The following MYO15A variants were observed in gnomAD, a reference collection of about 807,000 sequenced individuals.
MYO15A encodes the protein myosin XVA.
Under a neutral mutation model 394.6 loss-of-function variants are expected in MYO15A, and 308 were observed. The observed-to-expected ratio is 0.78, with a 90% CI of 0.71 to 0.86. MYO15A has a LOEUF of 0.86. Ranked by LOEUF, MYO15A falls within the 40% of genes least tolerant of loss-of-function variation. The pLI, the probability that MYO15A is intolerant of heterozygous loss-of-function variation, is 0.00. For synonymous variants in MYO15A, 1,957 were observed against 2,003.8 expected (o/e 0.98, Z 0.62); for missense variants, 4,606 against 4,799.1 (o/e 0.96, Z 1.19).
chr17:18,144,678 C>A, intron 29 of MYO15A, 86 bp downstream of exon 29: 1 of 1,329,258 alleles, frequency 7.5e-7, no homozygotes, highest in African/African-American at 1.4e-5. Flanking sequence ...TCCCAGCCCT[C>A]CCCAAGCCCA....
At chr17:18,140,695 C>T (rs545547272) in intron 20 of MYO15A, 30 bp downstream of exon 20, 1 of 1,614,032 alleles carries the variant, frequency 6.2e-7, no homozygotes, top group Non-Finnish European at 8.5e-7. Context: ...GGCGGAGCAC[C>T]CAGCCTCATC....
chr17:18,155,459 G>C, intron 47 of MYO15A, 27 bp downstream of exon 47: 1 of 1,588,020 alleles, frequency 6.3e-7, no homozygotes, highest in Non-Finnish European at 8.6e-7. Context: ...AAGTGGGGCT[G>C]GCTGGAGACT....
chr17:18,174,567 G>A (rs542651284), intron 65 of MYO15A, among the ~76,000 whole-genome samples: 7 of 152,314 alleles, frequency 4.6e-5, no homozygotes, highest in African/African-American at 1.4e-4. Context: ...CTGTGATGGT[G>A]CCAATGCACT....
chr17:18,169,374 A>G (rs1361637506), intron 62 of MYO15A: 2 of 151,674 alleles, frequency 1.3e-5, no homozygotes, highest in Non-Finnish European at 2.9e-5. Context: ...TGAAACTGGC[A>G]GGTGGAGGGA....
chr17:18,159,130 G>A, intron 53 of MYO15A, 133 bp downstream of exon 53: 1 of 1,355,430 alleles, frequency 7.4e-7, no homozygotes, highest in Non-Finnish European at 1.0e-6. Context: ...CCCTCCCAAG[G>A]ACAGCCTCTG....
At chr17:18,112,427 G>T (rs933821490) in intron 1 of MYO15A, among the ~76,000 whole-genome samples, 2 of 151,872 alleles carry the variant, frequency 1.3e-5, no homozygotes, top group African/African-American at 4.8e-5. Context: ...ACAGGGTCTC[G>T]CACCGTCACA....
rs371730430 is a variant in MYO15A at position 18,153,888 on chromosome 17, C to A, written c.8080C>A (p.Arg2694Ser). ...GGACGCCCCCTGGAAGATCTTCCTG[C>A]GCAAAGAGGTGCCGAGCACAGCCGT... Reference protein sequence around the residue: ...YQDAPWKIFLRKEVFYPKDSY... With the variant: ...YQDAPWKIFLSKEVFYPKDSY... Residue 2694 changes from arginine (R) to serine (S), a missense_variant, in exon 43 of 66, where the codon CGC becomes AGC. Physicochemically the swap from Arg to Ser is moderately radical, Grantham distance 110 (BLOSUM62 -1). Around this residue, in one of 2 missense-constraint regions of MYO15A, gnomAD observed 2,776 missense variants for 3,109.3 expected, o/e 0.89. Transcript: ENST00000647165. This position sits in a 1 kb window ranked among gnomAD's most constrained non-coding sequence, Gnocchi z 4.1. 14 of 1,613,368 alleles carry A rather than the reference C, an allele frequency of 8.7e-6. No homozygotes were observed. The African/African-American group carries it at 1.6e-4, about 18-fold the overall frequency.
At chr17:18,151,595 C>T (rs2142371007) in intron 40 of MYO15A, 68 bp downstream of exon 40, 1 of 1,603,214 alleles carries the variant, frequency 6.2e-7, no homozygotes, top group Non-Finnish European at 8.5e-7. Flanking sequence ...CATGGCCCAC[C>T]AGCTTACTGG....
chr17:18,168,946 A>T (rs1003551319), intron 62 of MYO15A, among the ~76,000 whole-genome samples: 1 of 149,954 alleles, frequency 6.7e-6, no homozygotes, highest in South Asian at 2.1e-4. Context: ...TACTAAAAAA[A>T]TTTAAAAAAA....
In MYO15A at chr17:18,166,481, A is replaced by G. The variant is rs776198954; in HGVS notation, c.9908A>G (p.Lys3303Arg). The G allele has an allele frequency of 1.1e-5, 17 of 1,613,900 alleles. No individual in the cohort carries two copies. The highest frequency in any genetic ancestry group is 1.3e-5 in the Non-Finnish European group (15 of 1,180,054). ...FRRVLWDQPL[K>R]FENELYVTMH... ...CGTGTGCTCTGGGATCAGCCACTCAAGTTCGAGAATGAGCTATATGTGACC... is the reference window on the plus strand; with the variant it reads ...CGTGTGCTCTGGGATCAGCCACTCAGGTTCGAGAATGAGCTATATGTGACC... The change falls in exon 61 of 66, where the codon AAG (lysine) becomes AGG (arginine). Residue 3303 changes from lysine (K) to arginine (R), a missense_variant. Coordinates refer to ENST00000647165, the MANE Select transcript of MYO15A (RefSeq NM_016239.4).
chr17:18,144,820 T>A (rs1020615727), intron 29 of MYO15A, among the ~76,000 whole-genome samples: 3 of 115,096 alleles, frequency 2.6e-5, no homozygotes, highest in African/African-American at 1.0e-4. Context: ...AAAAAAAAAA[T>A]TCTGCCTTGG....
intron 56 of MYO15A, 77 bp downstream of exon 56, chr17:18,160,094 T>G: frequency 2.2e-6 from 3 of 1,385,888 alleles, no homozygotes; most frequent in South Asian, 1.2e-5. Flanking sequence ...GCCTCCCACC[T>G]CCTCAGGCCT....
At position 18,148,249 on chromosome 17, in the gene MYO15A, G is replaced by A; in HGVS notation, c.6691+39G>A. On this transcript the variant is annotated intron_variant, in intron 31 of 65. Coordinates refer to ENST00000647165, the MANE Select transcript of MYO15A (RefSeq NM_016239.4). This position sits in a 1 kb window ranked among gnomAD's most constrained non-coding sequence, Gnocchi z 4.8. The stretch of plus-strand genomic sequence containing the variant: ...CCCCACCTCAGTGAGGGCAGTGGGA[G>A]TCAGCAGGGCCCAGTGAGCCCCGGG... 1 of 1,611,416 alleles carries A rather than the reference G, an allele frequency of 6.2e-7. No homozygotes were observed. The highest frequency in any genetic ancestry group is 8.5e-7 in the Non-Finnish European group (1 of 1,179,360).
intron 40 of MYO15A, 131 bp downstream of exon 40, chr17:18,151,658 G>A: frequency 9.6e-6 from 12 of 1,254,438 alleles, no homozygotes; most frequent in Non-Finnish European, 1.4e-5. Context: ...TTATACTGAT[G>A]AGTCCAGATG....
rs1021669937 is a variant in MYO15A, at chr17:18,126,884, T to C, written c.3941+19T>C. On this transcript the variant is annotated intron_variant, in intron 6 of 65. Transcript: ENST00000647165. The stretch of plus-strand genomic sequence containing the variant: ...TCATTAGGTGAGTGGGCTGCCTTTA[T>C]GTGGGGGATAAATGGGGGACCTTAG... 3 of 1,613,772 alleles carry C rather than the reference T, an allele frequency of 1.9e-6. No homozygotes were observed. The highest frequency in any genetic ancestry group is 2.2e-5 in the East Asian group (1 of 44,862).
At position 18,138,886 on chromosome 17, in the gene MYO15A, C is replaced by A. The variant is rs775979173; in HGVS notation, c.5083C>A (p.Pro1695Thr). Reference protein sequence around the residue: ...ANPLYSKPKMPLPEFTIKHYA... With the variant: ...ANPLYSKPKMTLPEFTIKHYA... ...CCCGCTCTATTCCAAACCCAAGATG[C>A]CGCTGCCTGAGTTCACCATCAAGCA... Residue 1695 changes from proline (P) to threonine (T), a missense_variant, in exon 18 of 66, where the codon CCG becomes ACG. Pro to Thr is a conservative substitution (Grantham distance 38). This residue lies in a region of MYO15A where 2,776 missense variants were observed against 3,109.3 expected (regional missense o/e 0.89). Coordinates refer to ENST00000647165, the MANE Select transcript of MYO15A (RefSeq NM_016239.4). 11 of 1,613,250 alleles carry A rather than the reference C, an allele frequency of 6.8e-6. No individual in the cohort carries two copies. The Middle Eastern group carries it at 5.0e-4, about 73-fold the overall frequency.
rs2142258969 is a variant in MYO15A at position 18,121,779 on chromosome 17, C to T, written c.2979C>T (p.His993=). 1.2e-6 allele frequency: 2 copies of T among 1,610,928 alleles called. No homozygotes were observed. The highest frequency in any genetic ancestry group is 1.1e-5 in the South Asian group (1 of 90,964). Residue 993 remains histidine (H), a synonymous_variant, in exon 2 of 66, where the codon CAC becomes CAT. Transcript: ENST00000647165. This position sits in a 1 kb window ranked among gnomAD's most constrained non-coding sequence, Gnocchi z 5.3. ...ADMTRVFLGR[H]HEPGPGQLTK... ...TGACCAGGGTCTTCCTGGGCAGACA[C>T]CATGAGCCGGGGCCTGGACAGCTCA...
At chr17:18,163,397 G>C in intron 59 of MYO15A, 76 bp downstream of exon 59, 1 of 1,455,584 alleles carries the variant, frequency 6.9e-7, no homozygotes, top group Non-Finnish European at 9.6e-7. Flanking sequence ...CAGGATGGGG[G>C]TGGAGTAAGC....
chr17:18,131,505 C>T lies in MYO15A; in HGVS notation c.4180C>T (p.Leu1394Phe). The T allele has an allele frequency of 6.2e-7, 1 of 1,614,012 alleles. No individual in the cohort carries two copies. Among genetic ancestry groups the T allele is most frequent in the Non-Finnish European group, 8.5e-7 (1 of 1,179,980 alleles). ...ISGAITSQYLLEKSRIVFQAK... is the reference protein window; with the variant it reads ...ISGAITSQYLFEKSRIVFQAK... The stretch of plus-strand genomic sequence containing the variant: ...TGGTGCCATAACCTCCCAGTACCTG[C>T]TTGAGAAATCCAGGATCGTGTTTCA... The change falls in exon 10 of 66, where the codon CTT becomes TTT. Residue 1394 changes from leucine (L) to phenylalanine (F), a missense_variant. Leu to Phe is a conservative substitution (Grantham distance 22). Transcript: ENST00000647165.
Sources: allele counts gnomAD v4.1 joint callset (sites outside exome capture counted in the v4.1 genomes callset), GRCh38; gene constraint gnomAD v4.1.1; regional missense constraint gnomAD v4.1.1; non-coding constraint Gnocchi (gnomAD v3.1); transcripts MANE v1.5; gene names NCBI Gene and HGNC (gene_info 2026-07-23, HGNC 2026-07-21).